NCAM2: variants seen among roughly 807,000 people sequenced by gnomAD.
The protein encoded by NCAM2 is neural cell adhesion molecule 2.
A neutral mutation model predicts 98.1 loss-of-function variants in NCAM2; 30 were observed. The observed-to-expected ratio is 0.31, with a 90% confidence interval of 0.23 to 0.41. The LOEUF (loss-of-function observed/expected upper bound fraction) is 0.41, where lower values mean the gene tolerates loss of function less well. NCAM2 is among the 10% of genes least tolerant of loss of function. NCAM2 has a pLI of 1.00. For synonymous variants in NCAM2, 368 were observed against 342.4 expected (o/e 1.07, Z -0.83); for missense variants, 867 against 1,005.8 (o/e 0.86, Z 1.87).
chr21:21,299,300 CTT>C (rs200868473), intron 5 of NCAM2, among the ~76,000 whole-genome samples: 7 of 138,594 alleles, frequency 5.1e-5, no homozygotes, highest in Non-Finnish European at 3.2e-5. Flanking sequence ...TATCTCTTGC[CTT>C]TTTTTTTTTT....
At chr21:21,258,455 G>C (rs774550815) in intron 1 of NCAM2, among the ~76,000 whole-genome samples, 2 of 152,186 alleles carry the variant, frequency 1.3e-5, no homozygotes, top group Non-Finnish European at 2.9e-5. Context: ...GTCTGGTAGA[G>C]ATTGACTCCT....
chr21:21,357,172 T>C (rs1216773827), intron 8 of NCAM2, among the ~76,000 whole-genome samples: 1 of 152,140 alleles, frequency 6.6e-6, no homozygotes, highest in Non-Finnish European at 1.5e-5. Flanking sequence ...ACAAGTGGGC[T>C]TTCACAAGGT....
At position 21,439,786 on chromosome 21, in the gene NCAM2, A is replaced by G. The variant is rs939562962; in HGVS notation, c.1654+7505A>G. 2.0e-5 allele frequency among the ~76,000 whole-genome samples: 3 copies of G among 152,354 alleles called. No homozygotes were observed. In the East Asian group the frequency reaches 5.8e-4, roughly 29 times the overall value. On this transcript the variant is annotated intron_variant, in intron 12 of 17. Coordinates refer to ENST00000400546, the MANE Select transcript of NCAM2 (RefSeq NM_004540.5). ...AAATGATATGTGTTGAAATGTTTTT[A>G]TACCTATGATACACATTGTCAAAGA... is the stretch of plus-strand genomic sequence containing the variant.
At chr21:21,324,919 G>T in intron 6 of NCAM2, among the ~76,000 whole-genome samples, 1 of 151,992 alleles carries the variant, frequency 6.6e-6, no homozygotes, top group Middle Eastern at 3.4e-3. Context: ...TACACAAAAT[G>T]TTGTATTATA....
intron 11 of NCAM2, among the ~76,000 whole-genome samples, chr21:21,430,600 C>A (rs1310354796): frequency 2.0e-5 from 3 of 151,884 alleles, no homozygotes; most frequent in Admixed American, 1.3e-4. Context: ...AATGCCAGAC[C>A]TTTATAAAAA....
intron 1 of NCAM2, among the ~76,000 whole-genome samples, chr21:21,177,600 G>A (rs1301658820): frequency 6.6e-6 from 1 of 151,994 alleles, no homozygotes; most frequent in East Asian, 1.9e-4. Context: ...AAAGTGAAAG[G>A]AAGCCATGTA....
Position 21,518,779 on chromosome 21 carries a change from C to A in NCAM2, c.2282+9724C>A, listed in dbSNP as rs187468510. Among the ~76,000 whole-genome samples, 75 of 152,042 alleles carry A rather than the reference C, an allele frequency of 4.9e-4. 1 individual carries two copies. Among genetic ancestry groups the A allele is most frequent in the East Asian group, 1.9e-4 (1 of 5,176 alleles). Reference sequence around the variant, plus strand: ...TAAGCACTTTTATAGAACTTAGGAACAAATTAGTAAGCAAAGCAAACAATA... The same window carrying A: ...TAAGCACTTTTATAGAACTTAGGAAAAAATTAGTAAGCAAAGCAAACAATA... On this transcript the variant is annotated intron_variant, in intron 16 of 17. Transcript: ENST00000400546.
At position 21,387,223 on chromosome 21, in the gene NCAM2, C is replaced by CAA. The variant is rs2076290134; in HGVS notation, c.1195+13212_1195+13213dup. Among the ~76,000 whole-genome samples, 8 of 147,304 alleles carry CAA rather than the reference C, an allele frequency of 5.4e-5. No individual in the cohort carries two copies. The South Asian group carries it at 1.5e-3, about 28-fold the overall frequency. The stretch of plus-strand genomic sequence containing the variant: ...ACACACACACACACACACACACACA[C>CAA]AAATCTGGTGTCCCTTTCTCTTTTT... On this transcript the variant is annotated intron_variant, in intron 9 of 17. Coordinates refer to ENST00000400546, the MANE Select transcript of NCAM2 (RefSeq NM_004540.5).
chr21:21,260,602 C>G (rs2071860792), intron 1 of NCAM2, among the ~76,000 whole-genome samples: 1 of 151,350 alleles, frequency 6.6e-6, no homozygotes, highest in Non-Finnish European at 1.5e-5. Context: ...TATTTCTTGC[C>G]AAACTAACCT....
At chr21:21,063,348 G>C (rs1176658020) in intron 1 of NCAM2, among the ~76,000 whole-genome samples, 1 of 148,718 alleles carries the variant, frequency 6.7e-6, no homozygotes, top group African/African-American at 2.5e-5. Flanking sequence ...AGCCTCCTGA[G>C]TAGCTGGGTC....
intron 9 of NCAM2, among the ~76,000 whole-genome samples, chr21:21,379,638 T>G (rs925847276): frequency 6.6e-6 from 1 of 152,122 alleles, no homozygotes; most frequent in African/African-American, 2.4e-5. Flanking sequence ...TATTTTTATA[T>G]GTATAAAGAT....
At chr21:21,123,055 A>G (rs540005967) in intron 1 of NCAM2, among the ~76,000 whole-genome samples, 106 of 152,298 alleles carry the variant, frequency 7.0e-4, no homozygotes, top group Non-Finnish European at 1.0e-3. Flanking sequence ...ATATAATTAA[A>G]CAAATATAAT....
At chr21:21,307,762 C>A (rs1244234133) in intron 5 of NCAM2, among the ~76,000 whole-genome samples, 1 of 152,080 alleles carries the variant, frequency 6.6e-6, no homozygotes, top group Non-Finnish European at 1.5e-5. Flanking sequence ...ATGTTAAATC[C>A]AACCCATACT....
In NCAM2 at chr21:21,087,441, A is replaced by G. The variant is rs921737476; in HGVS notation, c.55+88823A>G. ...TGCTCCCCTCTTCAGAGCACAGTCC[A>G]CACAGCTCTTTATCCTCCTGGGTTC... On this transcript the variant is annotated intron_variant, in intron 1 of 17. Coordinates refer to ENST00000400546, the MANE Select transcript of NCAM2 (RefSeq NM_004540.5). Among the ~76,000 whole-genome samples, 4 of 152,236 alleles carry G rather than the reference A, an allele frequency of 2.6e-5. No individual in the cohort carries two copies. In the East Asian group the frequency reaches 5.8e-4, roughly 22 times the overall value.
Position 21,289,361 on chromosome 21 carries a change from A to T in NCAM2, c.482-2743A>T, listed in dbSNP as rs1036892701. Among the ~76,000 whole-genome samples the T allele has an allele frequency of 3.9e-5, 6 of 151,942 alleles. No homozygotes were observed. The East Asian group carries it at 1.2e-3, about 29-fold the overall frequency. ...GATAAATAGGTAAATCAGTGTGAGA[A>T]CAAGACACATTGAGTCTATGATAAC... On this transcript the variant is annotated intron_variant, in intron 4 of 17. Coordinates refer to ENST00000400546, the MANE Select transcript of NCAM2 (RefSeq NM_004540.5).
intron 1 of NCAM2, among the ~76,000 whole-genome samples, chr21:21,061,789 CTTAG>C (rs1364986720): frequency 1.3e-5 from 2 of 151,964 alleles, no homozygotes; most frequent in Admixed American, 6.5e-5. Context: ...TGTTATTTTA[CTTAG>C]TTATATTAAT....
rs1307057312 is a variant in NCAM2, at chr21:21,539,781, C to T, written c.*1824C>T. ...GCCTACCTAAGAATTTGAGTAGTGT[C>T]TAAACAAACAAAGCAGTTAGGTCAT... On this transcript the variant is annotated 3_prime_UTR_variant, in exon 18 of 18. Transcript: ENST00000400546. 6.6e-6 allele frequency: 1 copy of T among 152,132 alleles called. No individual in the cohort carries two copies. The highest frequency in any genetic ancestry group is 1.5e-5 in the Non-Finnish European group (1 of 68,028). 9.4% of individuals were successfully genotyped at this position (152,132 alleles called of 1,614,324 possible). A position where few individuals can be genotyped will look rare whatever the true frequency, so the allele number is the denominator to read the frequency against.
chr21:21,102,058 G>C (rs1207106645), intron 1 of NCAM2, among the ~76,000 whole-genome samples: 1 of 152,034 alleles, frequency 6.6e-6, no homozygotes, highest in Non-Finnish European at 1.5e-5. Flanking sequence ...GGAAGCACTA[G>C]TTAAAGTGAA....
intron 11 of NCAM2, among the ~76,000 whole-genome samples, chr21:21,421,096 T>A (rs2077101653): frequency 6.6e-6 from 1 of 151,808 alleles, no homozygotes; most frequent in Admixed American, 6.6e-5. Flanking sequence ...AATGATGTGT[T>A]TTTCGATTAG....
Sources: gnomAD v4.1 joint callset for allele counts (sites outside exome capture counted in the v4.1 genomes callset) on GRCh38, gnomAD v4.1.1 for gene constraint, MANE v1.5 for transcripts, NCBI Gene and HGNC (gene_info 2026-07-23, HGNC 2026-07-21) for gene names.